OSBPL10: variants seen among roughly 807,000 people sequenced by gnomAD.
OSBPL10 encodes the protein oxysterol-binding protein-related protein 10.
OSBPL10 carries 49 observed loss-of-function variants against 81.7 expected under a neutral mutation model. That is an observed-to-expected ratio of 0.60 (90% CI 0.48 to 0.76). OSBPL10 has a LOEUF of 0.76. OSBPL10 is among the 30% of genes least tolerant of loss of function. OSBPL10 has a pLI of 0.00. For synonymous variants in OSBPL10, 419 were observed against 383.6 expected, an observed-to-expected ratio of 1.09 and a Z score of -1.08; for missense variants, 923 against 987.8, an observed-to-expected ratio of 0.93 and a Z score of 0.88.
At chr3:31,749,031 C>G (rs1332770335) in intron 4 of OSBPL10, among the ~76,000 whole-genome samples, 1 of 152,160 alleles carries the variant, frequency 6.6e-6, no homozygotes, top group African/African-American at 2.4e-5. Flanking sequence ...GCAACCCGCC[C>G]AAGGTCACAA....
chr3:31,733,349 G>A lies in OSBPL10; in HGVS notation c.1003C>T (p.Leu335Phe). The change falls in exon 6 of 12, where the codon CTT becomes TTT. Residue 335 changes from leucine (L) to phenylalanine (F), a missense_variant. Leu to Phe is a conservative substitution (Grantham distance 22). This residue lies in a region of OSBPL10 where 514 missense variants were observed against 508.0 expected (regional missense o/e 1.01). Coordinates refer to ENST00000396556, the MANE Select transcript of OSBPL10 (RefSeq NM_017784.5). ...GCACTGGCTGATGGCAAAGAGCCAA[G>A]TGTCCCATTTTTCAGCTGCTCTGTG... ...HSTEQLKNGTLGSLPSASANI... is the reference protein window; with the variant it reads ...HSTEQLKNGTFGSLPSASANI... The A allele has an allele frequency of 6.2e-7, 1 of 1,613,940 alleles. No individual in the cohort carries two copies. Among genetic ancestry groups the A allele is most frequent in the Admixed American group, 1.7e-5 (1 of 59,956 alleles).
intron 3 of OSBPL10, among the ~76,000 whole-genome samples, chr3:31,854,972 G>T (rs987848153): frequency 6.6e-6 from 1 of 151,862 alleles, no homozygotes; most frequent in Non-Finnish European, 1.5e-5. Context: ...ATCAGATCTA[G>T]TTTAGGGTAG....
chr3:31,838,206 C>T (rs747588828), intron 3 of OSBPL10, among the ~76,000 whole-genome samples: 5 of 152,096 alleles, frequency 3.3e-5, no homozygotes, highest in African/African-American at 4.8e-5. Context: ...GTCCCCTCCC[C>T]GCTAAAAAAG....
intron 4 of OSBPL10, among the ~76,000 whole-genome samples, chr3:31,790,464 A>C (rs1326617105): frequency 6.6e-6 from 1 of 152,204 alleles, no homozygotes; most frequent in Non-Finnish European, 1.5e-5. Context: ...CCTGATTTAC[A>C]TTTCACATAT....
chr3:32,041,218 C>T (rs1699572145), intron 2 of OSBPL10, among the ~76,000 whole-genome samples: 1 of 152,178 alleles, frequency 6.6e-6, no homozygotes, highest in Non-Finnish European at 1.5e-5. Flanking sequence ...TTACCCAGAA[C>T]TGAGTGAGAT....
rs1172642577 is a variant in OSBPL10 at position 31,815,334 on chromosome 3, ACT to A, written c.729+14704_729+14705del. On this transcript the variant is annotated intron_variant, in intron 4 of 11. Transcript: ENST00000396556. ...TGCTGATTCGTAAGCAAAATAAATG[ACT>A]CTTGTAGTTTTCAGCTGTTGAGTTT... is the stretch of plus-strand genomic sequence containing the variant. Among the ~76,000 whole-genome samples, 5 of 151,882 alleles carry A rather than the reference ACT, an allele frequency of 3.3e-5. 1 individual carries two copies. In the South Asian group the frequency reaches 1.0e-3, roughly 32 times the overall value.
intron 1 of OSBPL10, among the ~76,000 whole-genome samples, chr3:31,962,060 T>C (rs1373329386): frequency 6.6e-6 from 1 of 151,932 alleles, no homozygotes; most frequent in East Asian, 1.9e-4. Flanking sequence ...GCTCAAGCAA[T>C]TCACCTGCCT....
intron 1 of OSBPL10, among the ~76,000 whole-genome samples, chr3:32,075,034 T>C (rs528248511): frequency 6.6e-6 from 1 of 152,310 alleles, no homozygotes; most frequent in East Asian, 1.9e-4. Context: ...ATCCGACTAA[T>C]CCCTTTACTT....
At position 32,054,526 on chromosome 3, in the gene OSBPL10, C is replaced by CTTTTTTTTTTTTTTTTTTTTTTTTTT. The variant is rs755489489; in HGVS notation, n.186-7924_186-7923insAAAAAAAAAAAAAAAAAAAAAAAAAA. 9.2e-5 allele frequency among the ~76,000 whole-genome samples: 8 copies of CTTTTTTTTTTTTTTTTTTTTTTTTTT among 86,604 alleles called. 4 individuals are homozygous for CTTTTTTTTTTTTTTTTTTTTTTTTTT. The highest frequency in any genetic ancestry group is 9.5e-4 in the South Asian group (2 of 2,108). The allele number at this position is 86,604 out of a possible 152,430, so 56.8% of individuals were successfully genotyped here. A position where few individuals can be genotyped will look rare whatever the true frequency, so the allele number is the denominator to read the frequency against. ...ACCAACATTTCCTGGTCAATGGTGGCTTTTTTTTTTTTTTTTTTTTTTTGA... is the reference window on the plus strand; with the variant it reads ...ACCAACATTTCCTGGTCAATGGTGGCTTTTTTTTTTTTTTTTTTTTTTTTTTTTTTTTTTTTTTTTTTTTTTTTTGA... On this transcript the variant is annotated intron_variant and non_coding_transcript_variant, in intron 1 of 3. Coordinates refer to the OSBPL10 transcript ENST00000479173.
At chr3:32,008,000 C>A (rs767325395) in intron 2 of OSBPL10, among the ~76,000 whole-genome samples, 3 of 152,052 alleles carry the variant, frequency 2.0e-5, no homozygotes, top group African/African-American at 7.2e-5. Flanking sequence ...CCACTGCGCC[C>A]AGCCTCAAAA....
At chr3:31,718,357 G>C (rs551778939) in intron 6 of OSBPL10, 1 of 152,122 alleles carries the variant, frequency 6.6e-6, no homozygotes, top group Non-Finnish European at 1.5e-5. Context: ...TCGCTCTCCT[G>C]ACCTCGTGAT....
chr3:31,877,942 G>A (rs1470609203), intron 2 of OSBPL10, among the ~76,000 whole-genome samples: 2 of 152,158 alleles, frequency 1.3e-5, no homozygotes, highest in East Asian at 3.8e-4. Context: ...CCCAAAAGCT[G>A]TGCGTCTCAT....
At chr3:31,989,442 A>C in intron 2 of OSBPL10, 1 of 1,614,234 alleles carries the variant, frequency 6.2e-7, no homozygotes, top group African/African-American at 1.3e-5. Flanking sequence ...AAGACAAAAG[A>C]AATAGCCATG....
At chr3:31,686,572 C>T (rs996093111) in intron 7 of OSBPL10, among the ~76,000 whole-genome samples, 3 of 151,950 alleles carry the variant, frequency 2.0e-5, no homozygotes, top group Non-Finnish European at 4.4e-5. Context: ...ACTTTTTTTT[C>T]TGAGTATCTT....
At chr3:32,010,208 T>C (rs952514534) in intron 2 of OSBPL10, among the ~76,000 whole-genome samples, 3 of 151,514 alleles carry the variant, frequency 2.0e-5, no homozygotes, top group African/African-American at 7.3e-5. Context: ...TGAGAACGCA[T>C]AGTGGGGCCA....
At chr3:31,832,749 G>C (rs1270450483) in intron 3 of OSBPL10, among the ~76,000 whole-genome samples, 1 of 152,166 alleles carries the variant, frequency 6.6e-6, no homozygotes, top group African/African-American at 2.4e-5. Flanking sequence ...TGTTCCAAGG[G>C]TGATGGGCCT....
chr3:31,850,451 G>GA (rs1238671329), intron 3 of OSBPL10, among the ~76,000 whole-genome samples: 1 of 152,140 alleles, frequency 6.6e-6, no homozygotes, highest in Non-Finnish European at 1.5e-5. Context: ...CCCCTTTGTT[G>GA]AAAACAATAT....
chr3:31,989,317 G>C (rs1698989335), intron 2 of OSBPL10: 1 of 1,614,072 alleles, frequency 6.2e-7, no homozygotes, highest in African/African-American at 1.3e-5. Flanking sequence ...AACAGCGCAA[G>C]GCAATACAGA....
intron 8 of OSBPL10, among the ~76,000 whole-genome samples, chr3:31,681,091 G>A (rs1700629492): frequency 6.6e-6 from 1 of 152,196 alleles, no homozygotes; most frequent in Non-Finnish European, 1.5e-5. Flanking sequence ...GGCCTAAACT[G>A]GGTGACCCAA....
Sources: allele counts gnomAD v4.1 joint callset (sites outside exome capture counted in the v4.1 genomes callset), GRCh38; gene constraint gnomAD v4.1.1; regional missense constraint gnomAD v4.1.1; transcripts MANE v1.5; gene names NCBI Gene and HGNC (gene_info 2026-07-23, HGNC 2026-07-21).